The following UBE2K variants were observed in gnomAD, a reference collection of about 807,000 sequenced individuals.
UBE2K encodes ubiquitin-conjugating enzyme E2 K.
A neutral mutation model predicts 30.0 loss-of-function variants in UBE2K; 6 were observed. The ratio of observed to expected loss-of-function variants is 0.20; its 90% CI spans 0.11 to 0.39. The LOEUF is 0.39. Among genes scored for constraint, UBE2K ranks in the 10% least tolerant of loss-of-function variants. The probability of loss-of-function intolerance (pLI) is 1.00; values close to 1 mark genes in which losing one functional copy is unlikely to be tolerated. For synonymous variants in UBE2K, 86 were observed against 83.7 expected (o/e 1.03, Z -0.15); for missense variants, 61 against 241.6 (o/e 0.25, Z 4.96).
intron 4 of UBE2K, among the ~76,000 whole-genome samples, chr4:39,759,756 A>G (rs1439299062): frequency 6.6e-6 from 1 of 152,234 alleles, no homozygotes; most frequent in South Asian, 2.1e-4. Context: ...CAGGCACAGA[A>G]TATCTGCCTG....
In UBE2K at chr4:39,778,349, C is replaced by G. The variant is rs758814390; in HGVS notation, c.529-11C>G. On this transcript the variant is annotated splice_polypyrimidine_tract_variant and intron_variant, in intron 6 of 6. Transcript: ENST00000261427. ...GAGATTTAATTTCCTGTCCCCTTTTCTTCTCTACAGAATGCAGTAATAGTG... is the reference window on the plus strand; with the variant it reads ...GAGATTTAATTTCCTGTCCCCTTTTGTTCTCTACAGAATGCAGTAATAGTG... 1.1e-5 allele frequency: 17 copies of G among 1,582,988 alleles called. No homozygotes were observed. The East Asian group carries it at 1.1e-4, about 10-fold the overall frequency.
intron 1 of UBE2K, among the ~76,000 whole-genome samples, chr4:39,733,326 G>A (rs1264962880): frequency 2.2e-5 from 3 of 134,462 alleles, no homozygotes; most frequent in Non-Finnish European, 4.7e-5. Context: ...GTAAAATCGG[G>A]CTTTAATTTT....
chr4:39,741,494 C>A (rs1177945801), intron 2 of UBE2K, among the ~76,000 whole-genome samples: 2 of 152,074 alleles, frequency 1.3e-5, no homozygotes, highest in African/African-American at 4.8e-5. Flanking sequence ...ATGTTTATTG[C>A]AAGGATGTTG....
intron 4 of UBE2K, chr4:39,771,370 A>G (rs1712818020): frequency 6.2e-7 from 1 of 1,612,768 alleles, no homozygotes; most frequent in Non-Finnish European, 8.5e-7. Flanking sequence ...GAGCTTGTTC[A>G]TGTTCCGTAG....
rs527440485 is a variant in UBE2K at position 39,710,721 on chromosome 4, C to G, written c.63+12331C>G. On this transcript the variant is annotated intron_variant, in intron 1 of 6. Transcript: ENST00000261427. ...AGGTTTGAAACCAGGTCTGTGCGTC[C>G]AAAATATTGGTGGTTATGGTAGAAA... Among the ~76,000 whole-genome samples, 86 of 152,154 alleles carry G rather than the reference C, an allele frequency of 5.7e-4. 1 individual carries two copies. Among genetic ancestry groups the G allele is most frequent in the Admixed American group, 1.0e-3 (16 of 15,266 alleles).
intron 4 of UBE2K, chr4:39,770,473 A>T (rs1254481783): frequency 1.9e-6 from 3 of 1,610,368 alleles, no homozygotes; most frequent in African/African-American, 2.7e-5. Context: ...ATGTTCTTTA[A>T]GGGGTTTCCA....
chr4:39,749,854 A>AT (rs1186717114), intron 3 of UBE2K, among the ~76,000 whole-genome samples: 3 of 152,208 alleles, frequency 2.0e-5, no homozygotes, highest in Non-Finnish European at 4.4e-5. Context: ...AGGGAGTTAA[A>AT]GCTGGCTTAA....
At chr4:39,714,546 A>ATTTTTTTTT (rs879776892) in intron 1 of UBE2K, 1,276 of 25,070 alleles carry the variant, frequency 0.051, 139 homozygotes, top group Non-Finnish European at 0.066. Flanking sequence ...ATATATATAT[A>ATTTTTTTTT]TATATTTTTT....
At chr4:39,771,502 C>T (rs1320959191) in intron 4 of UBE2K, 11 of 1,459,720 alleles carry the variant, frequency 7.5e-6, no homozygotes, top group South Asian at 1.4e-5. Context: ...CCTATTTTCC[C>T]CACCCCCGCG....
At chr4:39,750,067 G>A (rs1344121808) in intron 3 of UBE2K, among the ~76,000 whole-genome samples, 2 of 152,110 alleles carry the variant, frequency 1.3e-5, no homozygotes, top group Non-Finnish European at 2.9e-5. Flanking sequence ...AGTGGCACGT[G>A]CCTGTAATCC....
intron 1 of UBE2K, among the ~76,000 whole-genome samples, chr4:39,732,563 TTTATCTC>T (rs1434041114): frequency 4.2e-5 from 6 of 143,502 alleles, no homozygotes; most frequent in African/African-American, 1.8e-4. Flanking sequence ...TAATGTTTTT[TTTATCTC>T]ATTCAAATTA....
In UBE2K at chr4:39,778,455, T is replaced by C. The variant is rs971940759; in HGVS notation, c.*21T>C. 12 of 1,545,820 alleles carry C rather than the reference T, an allele frequency of 7.8e-6. No individual in the cohort carries two copies. The highest frequency in any genetic ancestry group is 1.7e-4 in the Middle Eastern group (1 of 5,938). On this transcript the variant is annotated 3_prime_UTR_variant, in exon 7 of 7. Transcript: ENST00000261427. ...ACTGAGGCATAGAGAGCTGCTGATA[T>C]AGTCAAGCTTGCCTCTTCTTGAGGA...
intron 1 of UBE2K, among the ~76,000 whole-genome samples, chr4:39,715,094 C>A (rs553782684): frequency 6.7e-6 from 1 of 149,770 alleles, no homozygotes; most frequent in Non-Finnish European, 1.5e-5. Flanking sequence ...GGCGCGATCT[C>A]GGCTCACTGC....
At chr4:39,774,467 G>A (rs759715063) in intron 4 of UBE2K, among the ~76,000 whole-genome samples, 2 of 151,692 alleles carry the variant, frequency 1.3e-5, no homozygotes, top group Non-Finnish European at 2.9e-5. Flanking sequence ...CAAAAAATTA[G>A]CTGGGCGTTA....
rs566141406 is a variant in UBE2K at position 39,717,857 on chromosome 4, C to T, written c.63+19467C>T. 1.0e-3 allele frequency among the ~76,000 whole-genome samples: 153 copies of T among 150,656 alleles called. 3 individuals carry two copies. Among genetic ancestry groups the T allele is most frequent in the African/African-American group, 3.5e-3 (142 of 40,570 alleles). On this transcript the variant is annotated intron_variant, in intron 1 of 6. Coordinates refer to ENST00000261427, the MANE Select transcript of UBE2K (RefSeq NM_005339.5). ...GCTCAGGAGTGAAGCTGCAGACCTTCGCGGTGAGTGTTACAGCTCTTAAGG... is the reference window on the plus strand; with the variant it reads ...GCTCAGGAGTGAAGCTGCAGACCTTTGCGGTGAGTGTTACAGCTCTTAAGG...
chr4:39,708,574 AT>A (rs1215245194), intron 1 of UBE2K, among the ~76,000 whole-genome samples: 3 of 152,090 alleles, frequency 2.0e-5, no homozygotes, highest in Non-Finnish European at 2.9e-5. Flanking sequence ...AGATGTGAGT[AT>A]ATATTATGTA....
intron 2 of UBE2K, among the ~76,000 whole-genome samples, chr4:39,741,753 C>G (rs1379166326): frequency 6.6e-6 from 1 of 152,132 alleles, no homozygotes; most frequent in Non-Finnish European, 1.5e-5. Flanking sequence ...TTGAGCTTTT[C>G]TTCCTAAAAT....
At chr4:39,753,496 C>G (rs1439696224) in intron 3 of UBE2K, among the ~76,000 whole-genome samples, 1 of 152,134 alleles carries the variant, frequency 6.6e-6, no homozygotes, top group East Asian at 1.9e-4. Context: ...TCGCTTACAT[C>G]TGGAGATGCT....
At chr4:39,751,525 G>A (rs1479147489) in intron 3 of UBE2K, among the ~76,000 whole-genome samples, 1 of 152,024 alleles carries the variant, frequency 6.6e-6, no homozygotes, top group African/African-American at 2.4e-5. Flanking sequence ...CAAAAAATAT[G>A]AAAATTAGCC....
Sources: allele counts gnomAD v4.1 joint callset (sites outside exome capture counted in the v4.1 genomes callset), GRCh38; gene constraint gnomAD v4.1.1; transcripts MANE v1.5; gene names NCBI Gene and HGNC (gene_info 2026-07-23, HGNC 2026-07-21).